FOXO3: variants seen among roughly 807,000 people sequenced by gnomAD.
FOXO3 encodes the protein forkhead box protein O3.
In FOXO3, 4 loss-of-function variants were observed where a neutral mutation model predicts 41.9. That is an observed-to-expected ratio of 0.10 (90% CI 0.05 to 0.22). The LOEUF is 0.22. Among genes scored for constraint, FOXO3 ranks in the 10% least tolerant of loss-of-function variants. FOXO3 has a pLI of 1.00. For missense variants in FOXO3, 534 were observed against 906.8 expected, an observed-to-expected ratio of 0.59 and a Z score of 5.28; for synonymous variants, 318 against 389.3, an observed-to-expected ratio of 0.82 and a Z score of 2.16.
intron 1 of FOXO3, among the ~76,000 whole-genome samples, chr6:108,648,521 A>G (rs1409282710): frequency 1.3e-5 from 2 of 152,194 alleles, no homozygotes; most frequent in African/African-American, 2.4e-5. Flanking sequence ...GAGCATTCAG[A>G]GTGCTGGAGC....
intron 1 of FOXO3, among the ~76,000 whole-genome samples, chr6:108,591,942 T>G (rs991127008): frequency 6.6e-6 from 1 of 151,816 alleles, no homozygotes; most frequent in South Asian, 2.1e-4. Flanking sequence ...GGAATACTGC[T>G]CTACAATAAG....
At chr6:108,655,308 C>T (rs191170553) in intron 1 of FOXO3, among the ~76,000 whole-genome samples, 3 of 152,266 alleles carry the variant, frequency 2.0e-5, no homozygotes, top group African/African-American at 7.2e-5. Context: ...TACCCTAGCT[C>T]TTATTCTGCA....
intron 1 of FOXO3, among the ~76,000 whole-genome samples, chr6:108,660,845 C>T (rs1408918742): frequency 4.6e-5 from 7 of 152,102 alleles, no homozygotes; most frequent in Admixed American, 4.6e-4. Context: ...GGGTTACTAC[C>T]ACACTTCTCT....
chr6:108,587,954 C>G (rs1308415789), intron 1 of FOXO3, among the ~76,000 whole-genome samples: 1 of 152,214 alleles, frequency 6.6e-6, no homozygotes, highest in East Asian at 1.9e-4. Flanking sequence ...CCCCCATCCT[C>G]CCTCCTCCTC....
chr6:108,595,561 T>C (rs559755506), intron 1 of FOXO3, among the ~76,000 whole-genome samples: 2 of 152,190 alleles, frequency 1.3e-5, no homozygotes, highest in African/African-American at 4.8e-5. Context: ...TATTATTTTA[T>C]GTTCTCTCTC....
At chr6:108,580,520 G>T (rs1016477695) in intron 1 of FOXO3, among the ~76,000 whole-genome samples, 11 of 152,142 alleles carry the variant, frequency 7.2e-5, no homozygotes, top group Admixed American at 6.5e-5. Context: ...GGAAACTGAG[G>T]TACGAAACGG....
chr6:108,652,355 A>G (rs1454518137), intron 1 of FOXO3, among the ~76,000 whole-genome samples: 1 of 152,252 alleles, frequency 6.6e-6, no homozygotes, highest in Non-Finnish European at 1.5e-5. Flanking sequence ...TGTGGCTCCA[A>G]CAAGGCTTGC....
At chr6:108,678,890 T>TCTTTTTC (rs1554220377) in intron 2 of FOXO3, among the ~76,000 whole-genome samples, 1 of 115,334 alleles carries the variant, frequency 8.7e-6, no homozygotes, top group Non-Finnish European at 1.8e-5. Flanking sequence ...TTTTTTTTTT[T>TCTTTTTC]TGAGACGGAG....
intron 1 of FOXO3, chr6:108,656,234 T>C: frequency 6.6e-6 from 2 of 302,692 alleles, no homozygotes; most frequent in Non-Finnish European, 4.9e-6. Context: ...ATTTTTAAAG[T>C]GAGCAGATTT....
At chr6:108,617,826 A>G (rs1777558418) in intron 1 of FOXO3, among the ~76,000 whole-genome samples, 1 of 152,246 alleles carries the variant, frequency 6.6e-6, no homozygotes, top group Admixed American at 6.5e-5. Flanking sequence ...TTGTGCACAT[A>G]TACCAGTTAC....
intron 1 of FOXO3, among the ~76,000 whole-genome samples, chr6:108,589,793 T>G (rs1007918405): frequency 2.6e-5 from 4 of 152,232 alleles, no homozygotes; most frequent in African/African-American, 9.7e-5. Context: ...CTTTTGCTGA[T>G]TCTAAGATAG....
intron 2 of FOXO3, among the ~76,000 whole-genome samples, chr6:108,671,693 C>G (rs192092434): frequency 2.0e-5 from 3 of 152,176 alleles, no homozygotes; most frequent in Non-Finnish European, 4.4e-5. Context: ...GCAGCCACGC[C>G]AGTCTTAAAC....
chr6:108,608,477 T>C (rs1002413309), intron 1 of FOXO3, among the ~76,000 whole-genome samples: 1 of 152,200 alleles, frequency 6.6e-6, no homozygotes, highest in African/African-American at 2.4e-5. Flanking sequence ...TCAGAGAACT[T>C]TGCAGAACTT....
In FOXO3 at chr6:108,682,735, A is replaced by C. The variant is rs1263553071; in HGVS notation, c.*2943A>C. On this transcript the variant is annotated 3_prime_UTR_variant, in exon 3 of 3. Coordinates refer to ENST00000406360, the MANE Select transcript of FOXO3 (RefSeq NM_001455.4). ...TGAGTGTCACAGGTCCCTAACAATA[A>C]TTTTCTGATCTGGAGCATATCAGCA... The C allele has an allele frequency of 6.6e-6, 1 of 152,208 alleles. No homozygotes were observed. Among genetic ancestry groups the C allele is most frequent in the African/African-American group, 2.4e-5 (1 of 41,438 alleles). The allele number at this position is 152,208 out of a possible 1,614,324, so 9.4% of individuals were successfully genotyped here.
chr6:108,666,915 C>A (rs952388497), intron 2 of FOXO3, among the ~76,000 whole-genome samples: 6 of 152,166 alleles, frequency 3.9e-5, no homozygotes, highest in African/African-American at 1.2e-4. Context: ...TTAGTCTCAG[C>A]AAGCTACTTA....
chr6:108,640,614 T>G (rs1778231247), intron 1 of FOXO3, among the ~76,000 whole-genome samples: 1 of 152,228 alleles, frequency 6.6e-6, no homozygotes, highest in African/African-American at 2.4e-5. Context: ...AGCATTTGTT[T>G]TATAGCTTGT....
At chr6:108,647,360 G>C (rs2128381278) in intron 1 of FOXO3, among the ~76,000 whole-genome samples, 1 of 152,316 alleles carries the variant, frequency 6.6e-6, no homozygotes, top group Non-Finnish European at 1.5e-5. Context: ...ATTGTAGCTG[G>C]AGTGCTGTGC....
At chr6:108,595,686 T>G (rs1776862417) in intron 1 of FOXO3, among the ~76,000 whole-genome samples, 1 of 152,206 alleles carries the variant, frequency 6.6e-6, no homozygotes, top group Admixed American at 6.5e-5. Flanking sequence ...AAAATCTGCC[T>G]TCCTACATTT....
intron 2 of FOXO3, among the ~76,000 whole-genome samples, chr6:108,672,790 C>T (rs1247352492): frequency 6.6e-6 from 1 of 152,116 alleles, no homozygotes; most frequent in Non-Finnish European, 1.5e-5. Flanking sequence ...TCCCTTCCCT[C>T]TTCTTTTCCT....
Sources: gnomAD v4.1 joint callset for allele counts (sites outside exome capture counted in the v4.1 genomes callset) on GRCh38, gnomAD v4.1.1 for gene constraint, MANE v1.5 for transcripts, NCBI Gene and HGNC (gene_info 2026-07-23, HGNC 2026-07-21) for gene names.